The following CLINT1 variants were observed in gnomAD, a reference collection of about 807,000 sequenced individuals.
CLINT1 encodes clathrin interactor 1, also known as clathrin interacting protein localized in the trans-Golgi region.
A neutral mutation model predicts 70.4 loss-of-function variants in CLINT1; 15 were observed. The ratio of observed to expected loss-of-function variants is 0.21; its 90% CI spans 0.14 to 0.33. The LOEUF (loss-of-function observed/expected upper bound fraction) is 0.33, where lower values mean the gene tolerates loss of function less well. CLINT1 is among the 10% of genes least tolerant of loss of function. CLINT1 has a pLI of 1.00. For synonymous variants in CLINT1, 227 were observed against 254.7 expected, an observed-to-expected ratio of 0.89 and a Z score of 1.04; for missense variants, 615 against 778.1, an observed-to-expected ratio of 0.79 and a Z score of 2.49.
chr5:157,824,635 G>A (rs955347418), intron 1 of CLINT1, among the ~76,000 whole-genome samples: 8 of 152,150 alleles, frequency 5.3e-5, no homozygotes, highest in African/African-American at 1.9e-4. Flanking sequence ...TGCTGTTAAA[G>A]CAATAATAAA....
intron 8 of CLINT1, among the ~76,000 whole-genome samples, chr5:157,799,172 C>A (rs1320253974): frequency 2.0e-5 from 3 of 151,982 alleles, no homozygotes; most frequent in Admixed American, 2.0e-4. Context: ...TTGTTTTCCA[C>A]CAAATTGAAT....
chr5:157,827,926 A>C (rs959089331), intron 1 of CLINT1, among the ~76,000 whole-genome samples: 14 of 152,122 alleles, frequency 9.2e-5, no homozygotes, highest in African/African-American at 3.1e-4. Context: ...TTGATCAATA[A>C]TTTTTTAGAG....
At chr5:157,829,135 A>C (rs1242613892) in intron 1 of CLINT1, among the ~76,000 whole-genome samples, 6 of 151,838 alleles carry the variant, frequency 4.0e-5, no homozygotes, top group South Asian at 2.1e-4. Flanking sequence ...ACAACAACAA[A>C]AAACACTAAA....
At chr5:157,822,912 G>C (rs897763219) in intron 1 of CLINT1, among the ~76,000 whole-genome samples, 5 of 152,052 alleles carry the variant, frequency 3.3e-5, no homozygotes, top group African/African-American at 9.7e-5. Flanking sequence ...CAAGAGAAAA[G>C]GTAAAGTATA....
chr5:157,828,444 A>C (rs1165133006), intron 1 of CLINT1, among the ~76,000 whole-genome samples: 5 of 152,162 alleles, frequency 3.3e-5, no homozygotes, highest in Admixed American at 6.5e-5. Context: ...GCCATAGAAG[A>C]AGAAGCCTCA....
At position 157,805,898 on chromosome 5, in the gene CLINT1, C is replaced by T. The variant is rs372292185; in HGVS notation, c.910G>A (p.Ala304Thr). The T allele has an allele frequency of 6.2e-7, 1 of 1,613,964 alleles. No homozygotes were observed. Among genetic ancestry groups the T allele is most frequent in the Non-Finnish European group, 8.5e-7 (1 of 1,179,874 alleles). The change falls in exon 7 of 12, where the codon GCT becomes ACT. Residue 304 changes from alanine (A) to threonine (T), a missense_variant. Coordinates refer to ENST00000411809, the MANE Select transcript of CLINT1 (RefSeq NM_014666.4). Reference protein sequence around the residue: ...TGDKASPDQNASTHTPQSSVK... With the variant: ...TGDKASPDQNTSTHTPQSSVK... ...GAAGACTGAGGTGTGTGGGTTGAAG[C>T]ATTCTGATCTGGACTTGCTTTGTCC...
chr5:157,787,891 T>A lies in CLINT1; in HGVS notation c.1633A>T (p.Ile545Leu), dbSNP rs781598188. ...ATGCTCATAGGCATGGGTCCCCCTATCAAAGCATTAGTTTGGGGCCGGACA... is the reference window on the plus strand; with the variant it reads ...ATGCTCATAGGCATGGGTCCCCCTAACAAAGCATTAGTTTGGGGCCGGACA... ...LPVRPQTNAL[I>L]GGPMPMSMPN... Residue 545 changes from isoleucine to leucine, a missense_variant, in exon 12 of 12, where the codon ATA (isoleucine) becomes TTA (leucine). Physicochemically the swap from Ile to Leu is conservative, Grantham distance 5. Coordinates refer to ENST00000411809, the MANE Select transcript of CLINT1 (RefSeq NM_014666.4). 2 of 1,613,818 alleles carry A rather than the reference T, an allele frequency of 1.2e-6. No individual in the cohort carries two copies. The highest frequency in any genetic ancestry group is 3.3e-5 in the Admixed American group (2 of 59,982).
At chr5:157,843,406 T>C (rs1052110223) in intron 1 of CLINT1, among the ~76,000 whole-genome samples, 5 of 152,218 alleles carry the variant, frequency 3.3e-5, no homozygotes, top group African/African-American at 1.2e-4. Flanking sequence ...TTGTTGGTAG[T>C]GGGTGTCCCA....
At chr5:157,807,249 T>A (rs1213071755) in intron 6 of CLINT1, among the ~76,000 whole-genome samples, 1 of 152,122 alleles carries the variant, frequency 6.6e-6, no homozygotes, top group African/African-American at 2.4e-5. Context: ...TATATTTTTA[T>A]ATATAAACAT....
intron 10 of CLINT1, among the ~76,000 whole-genome samples, chr5:157,790,957 C>T (rs1174914237): frequency 6.6e-6 from 1 of 152,158 alleles, no homozygotes; most frequent in South Asian, 2.1e-4. Context: ...TCCATATTAG[C>T]AATAATTATT....
At chr5:157,795,246 T>C (rs1762032122) in intron 8 of CLINT1, 2 of 362,586 alleles carry the variant, frequency 5.5e-6, no homozygotes, top group South Asian at 1.1e-4. Context: ...ACAAGCATAA[T>C]GTGGAAATAA....
chr5:157,828,432 T>C (rs1763104675), intron 1 of CLINT1, among the ~76,000 whole-genome samples: 1 of 151,990 alleles, frequency 6.6e-6, no homozygotes. Context: ...TTTCCTTCCA[T>C]GGCCATAGAA....
At chr5:157,840,747 T>C (rs1753146995) in intron 1 of CLINT1, among the ~76,000 whole-genome samples, 1 of 150,536 alleles carries the variant, frequency 6.6e-6, no homozygotes, top group Non-Finnish European at 1.5e-5. Context: ...AATAAAAAAA[T>C]ATATTTTTGG....
At chr5:157,791,676 A>C (rs1448033719) in intron 10 of CLINT1, 27 bp downstream of exon 10, 1 of 1,573,456 alleles carries the variant, frequency 6.4e-7, no homozygotes, top group African/African-American at 1.4e-5. Flanking sequence ...TATAAATAAC[A>C]AATTCCAAGG....
chr5:157,814,838 G>C (rs1762666602), intron 3 of CLINT1, among the ~76,000 whole-genome samples: 1 of 151,958 alleles, frequency 6.6e-6, no homozygotes, highest in African/African-American at 2.4e-5. Context: ...TTTAAGACCA[G>C]GTTGGGCAAC....
rs1387344908 is a variant in CLINT1 at position 157,814,079 on chromosome 5, C to G, written c.352+106G>C. 4.1e-6 allele frequency: 3 copies of G among 732,462 alleles called. No homozygotes were observed. The Admixed American group carries it at 6.6e-5, about 16-fold the overall frequency. The allele number at this position is 732,462 out of a possible 1,614,324, so 45.4% of individuals were successfully genotyped here. On this transcript the variant is annotated intron_variant, in intron 4 of 11. Transcript: ENST00000411809. ...GATTCTGCACTCGTCACACAACCAG[C>G]AACAGTCACATTCTAATTAGAGCAG... is the stretch of plus-strand genomic sequence containing the variant.
intron 1 of CLINT1, among the ~76,000 whole-genome samples, chr5:157,852,028 G>C (rs968574960): frequency 3.3e-5 from 5 of 152,042 alleles, no homozygotes; most frequent in Non-Finnish European, 5.9e-5. Context: ...CCATGAATTT[G>C]GTATCACATA....
chr5:157,788,968 G>GAAAAAAAAAAAAAAAA (rs58634730), intron 11 of CLINT1, among the ~76,000 whole-genome samples: 1 of 95,576 alleles, frequency 1.0e-5, no homozygotes, highest in Non-Finnish European at 2.2e-5. Context: ...CTCCATCTCA[G>GAAAAAAAAAAAAAAAA]AAAAAAAAAA....
Position 157,836,773 on chromosome 5 carries a change from C to A in CLINT1, c.42-19226G>T, listed in dbSNP as rs1412342596. ...CACTTTCTTCACTCTACTTTTCAGT[C>A]TTAAAGTAGGTGCCACATCCTCAGA... On this transcript the variant is annotated intron_variant, in intron 1 of 11. Transcript: ENST00000411809. 2.6e-5 allele frequency among the ~76,000 whole-genome samples: 4 copies of A among 152,338 alleles called. No homozygotes were observed. In the East Asian group the frequency reaches 7.7e-4, roughly 29 times the overall value.
Sources: gnomAD v4.1 joint callset for allele counts (sites outside exome capture counted in the v4.1 genomes callset) on GRCh38, gnomAD v4.1.1 for gene constraint, MANE v1.5 for transcripts, NCBI Gene and HGNC (gene_info 2026-07-23, HGNC 2026-07-21) for gene names.